RAPGEF2: variants seen among roughly 807,000 people sequenced by gnomAD.
RAPGEF2 encodes the protein Rap guanine nucleotide exchange factor 2, also known as PDZ domain containing guanine nucleotide exchange factor (GEF) 1.
Under a neutral mutation model 186.7 loss-of-function variants are expected in RAPGEF2, and 54 were observed. The ratio of observed to expected loss-of-function variants is 0.29; its 90% CI spans 0.23 to 0.36. The LOEUF (loss-of-function observed/expected upper bound fraction) is 0.36. Ranked by LOEUF, RAPGEF2 falls within the 10% of genes least tolerant of loss-of-function variation. The pLI, the probability that RAPGEF2 is intolerant of heterozygous loss-of-function variation, is 1.00. For synonymous variants in RAPGEF2, 712 were observed against 705.9 expected, an observed-to-expected ratio of 1.01 and a Z score of -0.14; for missense variants, 1,532 against 2,045.0, an observed-to-expected ratio of 0.75 and a Z score of 4.84.
intron 1 of RAPGEF2, among the ~76,000 whole-genome samples, chr4:159,112,003 CTG>C (rs1325946565): frequency 4.6e-5 from 7 of 152,216 alleles, no homozygotes; most frequent in Non-Finnish European, 1.0e-4. Flanking sequence ...CACCCCACCT[CTG>C]GGGATCACTA....
chr4:159,233,433 T>C (rs933227219), intron 4 of RAPGEF2, among the ~76,000 whole-genome samples: 28 of 152,244 alleles, frequency 1.8e-4, no homozygotes, highest in African/African-American at 5.8e-4. Flanking sequence ...TGAACAGATA[T>C]GGCATACTTG....
At chr4:159,295,754 T>TGTGTGTGTGC (rs1386754001) in intron 7 of RAPGEF2, among the ~76,000 whole-genome samples, 8 of 113,934 alleles carry the variant, frequency 7.0e-5, no homozygotes, top group African/African-American at 2.0e-4. Flanking sequence ...TGTGTGTGTG[T>TGTGTGTGTGC]GCGCGCGCGC....
intron 3 of RAPGEF2, among the ~76,000 whole-genome samples, chr4:159,195,716 A>T (rs973078350): frequency 6.6e-6 from 1 of 151,862 alleles, no homozygotes; most frequent in Non-Finnish European, 1.5e-5. Flanking sequence ...GCTTGTGTAC[A>T]TGCTGGGGTA....
chr4:159,104,551 AGAGT>A (rs1172876674), intron 1 of RAPGEF2, among the ~76,000 whole-genome samples: 1 of 134,640 alleles, frequency 7.4e-6, no homozygotes, highest in African/African-American at 3.1e-5. Context: ...AGAGAGAGAG[AGAGT>A]GTGTGTGTGT....
chr4:159,220,859 A>C (rs12509165), intron 4 of RAPGEF2, among the ~76,000 whole-genome samples: 54,292 of 152,020 alleles, frequency 0.36, 10,171 homozygotes, highest in Non-Finnish European at 0.42. Context: ...TTTTAACTTG[A>C]CCTTTAAAAA....
intron 7 of RAPGEF2, among the ~76,000 whole-genome samples, chr4:159,282,204 A>G (rs753740472): frequency 1.3e-5 from 2 of 152,114 alleles, no homozygotes; most frequent in Admixed American, 6.6e-5. Context: ...TGATTCAGAG[A>G]TTTATTTTTC....
chr4:159,274,858 T>A (rs1022391653), intron 7 of RAPGEF2, among the ~76,000 whole-genome samples: 3 of 152,174 alleles, frequency 2.0e-5, no homozygotes, highest in Non-Finnish European at 4.4e-5. Flanking sequence ...GAGCACACTT[T>A]AAAAATGCAA....
chr4:159,234,005 A>G (rs1279889131), intron 4 of RAPGEF2, among the ~76,000 whole-genome samples: 1 of 152,112 alleles, frequency 6.6e-6, no homozygotes, highest in Admixed American at 6.5e-5. Flanking sequence ...CTGAATTTCC[A>G]TATGAATTTT....
intron 1 of RAPGEF2, among the ~76,000 whole-genome samples, chr4:159,171,053 C>T (rs1014490453): frequency 6.6e-6 from 1 of 152,140 alleles, no homozygotes; most frequent in Admixed American, 6.5e-5. Flanking sequence ...GTTACCCTGT[C>T]TACTTCTTAA....
chr4:159,231,394 T>A (rs1752629041), intron 4 of RAPGEF2, among the ~76,000 whole-genome samples: 1 of 152,126 alleles, frequency 6.6e-6, no homozygotes, highest in African/African-American at 2.4e-5. Flanking sequence ...TTATGTGTTA[T>A]ATGTTATGTA....
At chr4:159,178,551 CTTTTTT>C (rs71589215) in intron 1 of RAPGEF2, among the ~76,000 whole-genome samples, 3 of 75,470 alleles carry the variant, frequency 4.0e-5, no homozygotes, top group East Asian at 3.9e-4. Context: ...ATGTATTATG[CTTTTTT>C]TTTTTTTTTT....
chr4:159,343,481 T>A, intron 22 of RAPGEF2, 77 bp downstream of exon 22: 1 of 1,560,396 alleles, frequency 6.4e-7, no homozygotes, highest in Non-Finnish European at 8.7e-7. Flanking sequence ...ATGATTTTTT[T>A]AAAGTTTGAG....
intron 1 of RAPGEF2, among the ~76,000 whole-genome samples, chr4:159,124,960 T>C (rs1413637898): frequency 1.3e-5 from 2 of 152,194 alleles, no homozygotes; most frequent in African/African-American, 4.8e-5. Flanking sequence ...GAAGGACATA[T>C]TTTTGTCTAG....
chr4:159,265,521 CAG>C (rs879418957), intron 7 of RAPGEF2, among the ~76,000 whole-genome samples: 20 of 152,250 alleles, frequency 1.3e-4, no homozygotes, highest in Admixed American at 2.6e-4. Flanking sequence ...CTTGGGAGTG[CAG>C]AGAGTGACCA....
chr4:159,139,162 C>CT (rs1328972902), intron 1 of RAPGEF2, among the ~76,000 whole-genome samples: 2 of 152,160 alleles, frequency 1.3e-5, no homozygotes, highest in Non-Finnish European at 2.9e-5. Context: ...TTGCCAAGTA[C>CT]TTTGGGATGC....
At chr4:159,190,726 G>A (rs1049056133) in intron 2 of RAPGEF2, among the ~76,000 whole-genome samples, 4 of 152,152 alleles carry the variant, frequency 2.6e-5, no homozygotes, top group Non-Finnish European at 5.9e-5. Context: ...AGCGAAGGGG[G>A]AAGCCCCTTA....
chr4:159,295,754 T>TGTGTGCGCGCGC (rs1386754001), intron 7 of RAPGEF2, among the ~76,000 whole-genome samples: 15 of 113,992 alleles, frequency 1.3e-4, no homozygotes, highest in Non-Finnish European at 2.5e-4. Flanking sequence ...TGTGTGTGTG[T>TGTGTGCGCGCGC]GCGCGCGCGC....
chr4:159,143,394 C>G (rs982199267), intron 1 of RAPGEF2, among the ~76,000 whole-genome samples: 1 of 152,042 alleles, frequency 6.6e-6, no homozygotes, highest in Non-Finnish European at 1.5e-5. Flanking sequence ...GAAACTCACA[C>G]AATAGATGGA....
Position 159,104,538 on chromosome 4 carries a change from G to C in RAPGEF2, c.69+307G>C, listed in dbSNP as rs1298877589. Among the ~76,000 whole-genome samples, 879 of 109,228 alleles carry C rather than the reference G, an allele frequency of 8.0e-3. 23 individuals carry two copies. Among genetic ancestry groups the C allele is most frequent in the African/African-American group, 0.022 (582 of 26,570 alleles). 71.7% of individuals were successfully genotyped at this position (109,228 alleles called of 152,430 possible). ...AGAGAGAGAGAGAGGGAGAGACAGA[G>C]AGAGAGAGAGAGAGAGTGTGTGTGT... On this transcript the variant is annotated intron_variant, in intron 1 of 29. Transcript: ENST00000691494.
Sources: allele counts gnomAD v4.1 joint callset (sites outside exome capture counted in the v4.1 genomes callset), GRCh38; gene constraint gnomAD v4.1.1; transcripts MANE v1.5; gene names NCBI Gene and HGNC (gene_info 2026-07-23, HGNC 2026-07-21).